The following SLC14A2 variants were observed in gnomAD, a reference collection of about 807,000 sequenced individuals.
SLC14A2 encodes urea transporter 2.
A neutral mutation model predicts 104.6 loss-of-function variants in SLC14A2; 91 were observed. The ratio of observed to expected loss-of-function variants is 0.87; its 90% CI spans 0.73 to 1.04. The LOEUF is 1.04. Ranked by LOEUF, SLC14A2 falls within the 50% of genes least tolerant of loss-of-function variation. The pLI, the probability that SLC14A2 is intolerant of heterozygous loss-of-function variation, is 0.00. For missense variants in SLC14A2, 1,189 were observed against 1,156.0 expected, an observed-to-expected ratio of 1.03 and a Z score of -0.41; for synonymous variants, 476 against 466.4, an observed-to-expected ratio of 1.02 and a Z score of -0.27.
At chr18:45,383,490 T>A (rs540669670) in intron 1 of SLC14A2, among the ~76,000 whole-genome samples, 1 of 152,212 alleles carries the variant, frequency 6.6e-6, no homozygotes, top group African/African-American at 2.4e-5. Context: ...TTAGATGGTC[T>A]TAGAGATTAC....
chr18:45,201,692 G>GT, the SLC14A2 span, among the ~76,000 whole-genome samples: 3 of 152,004 alleles, frequency 2.0e-5, no homozygotes, highest in African/African-American at 7.2e-5. Context: ...GTTTTAGTGA[G>GT]TAGATTATTG....
chr18:45,184,295 TA>T, the SLC14A2 span, among the ~76,000 whole-genome samples: 1 of 152,206 alleles, frequency 6.6e-6, no homozygotes, highest in Non-Finnish European at 1.5e-5. Flanking sequence ...ATACATGTAG[TA>T]AGTTAACTAA....
chr18:45,594,424 G>A lies in SLC14A2; in HGVS notation c.-34-30207G>A, dbSNP rs80349984. Among the ~76,000 whole-genome samples, 18 of 152,254 alleles carry A rather than the reference G, an allele frequency of 1.2e-4. No homozygotes were observed. In the South Asian group the frequency reaches 3.3e-3, roughly 28 times the overall value. ...ACTCATCTGGTCAGAAAATGGCACC[G>A]CAGGTTTTCTCCGTGAACTTCAATG... On this transcript the variant is annotated intron_variant, in intron 2 of 20. Coordinates refer to the SLC14A2 transcript ENST00000586448.
intron 1 of SLC14A2, among the ~76,000 whole-genome samples, chr18:45,389,148 T>A (rs1476341803): frequency 6.6e-6 from 1 of 152,230 alleles, no homozygotes; most frequent in Non-Finnish European, 1.5e-5. Flanking sequence ...TTTGAGATTA[T>A]GTGCTGGTGA....
chr18:45,270,981 A>G (rs985745502), intron 1 of SLC14A2, among the ~76,000 whole-genome samples: 1 of 152,192 alleles, frequency 6.6e-6, no homozygotes, highest in Non-Finnish European at 1.5e-5. Flanking sequence ...TTTCAGCAGG[A>G]TATCAGTAAA....
chr18:45,532,756 G>A (rs2043715516), intron 2 of SLC14A2, among the ~76,000 whole-genome samples: 1 of 152,164 alleles, frequency 6.6e-6, no homozygotes, highest in African/African-American at 2.4e-5. Context: ...TGGTGAGAGA[G>A]AGCATCCCTG....
chr18:45,183,680 T>C, the SLC14A2 span, among the ~76,000 whole-genome samples: 3 of 151,800 alleles, frequency 2.0e-5, no homozygotes, highest in Non-Finnish European at 2.9e-5. Context: ...TCTTTCTTTC[T>C]TTCTCTCTTT....
chr18:45,361,388 A>G (rs952291459), intron 1 of SLC14A2, among the ~76,000 whole-genome samples: 1 of 152,150 alleles, frequency 6.6e-6, no homozygotes, highest in Non-Finnish European at 1.5e-5. Context: ...CCATGGACAC[A>G]TTGACATTAA....
intron 1 of SLC14A2, chr18:45,436,505 C>A (rs2086599018): frequency 6.6e-6 from 1 of 152,212 alleles, no homozygotes; most frequent in African/African-American, 2.4e-5. Context: ...AGTCTTCATT[C>A]CCTTTCCCTC....
chr18:45,399,038 T>G (rs1228138369), intron 1 of SLC14A2, among the ~76,000 whole-genome samples: 5 of 152,172 alleles, frequency 3.3e-5, no homozygotes, highest in Non-Finnish European at 7.4e-5. Context: ...ATAATGACAC[T>G]TATTGGATGC....
chr18:45,579,726 T>C (rs954682842), intron 2 of SLC14A2, among the ~76,000 whole-genome samples: 2 of 152,168 alleles, frequency 1.3e-5, no homozygotes, highest in South Asian at 2.1e-4. Context: ...AAATAAAACC[T>C]CATCCCTGCC....
rs537028439 is a variant in SLC14A2, at chr18:45,599,422, C to T, written c.-34-25209C>T. The stretch of plus-strand genomic sequence containing the variant: ...CAGCGAGATGCCTGACAGTCCTGGC[C>T]GCGACCTGCTCTGACTCTTGCAAAA... On this transcript the variant is annotated intron_variant, in intron 2 of 20. Transcript: ENST00000586448. 2.6e-5 allele frequency among the ~76,000 whole-genome samples: 4 copies of T among 152,342 alleles called. No individual in the cohort carries two copies. In the South Asian group the frequency reaches 6.2e-4, roughly 24 times the overall value.
At chr18:45,500,359 C>T (rs1448394756) in intron 2 of SLC14A2, among the ~76,000 whole-genome samples, 3 of 151,966 alleles carry the variant, frequency 2.0e-5, no homozygotes, top group Admixed American at 6.6e-5. Context: ...GGGCGGATCA[C>T]GAGGTCAGGA....
the SLC14A2 span, among the ~76,000 whole-genome samples, chr18:45,202,503 C>T: frequency 6.6e-6 from 1 of 152,014 alleles, no homozygotes; most frequent in African/African-American, 2.4e-5. Context: ...TGTTATCAAA[C>T]ATAACATTGG....
Position 45,668,470 on chromosome 18 carries a change from A to C in SLC14A2, c.2029A>C (p.Met677Leu). The C allele has an allele frequency of 6.2e-7, 1 of 1,614,108 alleles. No homozygotes were observed. Residue 677 changes from methionine (M) to leucine (L), a missense_variant, in exon 15 of 20, where the codon ATG becomes CTG. By Grantham distance (15) the Met-to-Leu change is conservative (BLOSUM62 2). Coordinates refer to ENST00000255226, the MANE Select transcript of SLC14A2 (RefSeq NM_007163.4). ...WLLLPVIIMSMSCPILSSALG... is the reference protein window; with the variant it reads ...WLLLPVIIMSLSCPILSSALG... ...GTTGCTACCCGTCATCATCATGTCC[A>C]TGTCTTGGTAAGTTTGCTTTTGAAG...
chr18:45,284,772 G>A (rs919485801), intron 1 of SLC14A2, among the ~76,000 whole-genome samples: 2 of 152,176 alleles, frequency 1.3e-5, no homozygotes, highest in African/African-American at 4.8e-5. Flanking sequence ...CGAGGGTCTG[G>A]GGGCTGAAAG....
intron 2 of SLC14A2, among the ~76,000 whole-genome samples, chr18:45,570,734 G>T (rs2044332942): frequency 6.6e-6 from 1 of 152,160 alleles, no homozygotes; most frequent in Non-Finnish European, 1.5e-5. Context: ...GTATCATTTG[G>T]TACCAAGATT....
chr18:45,581,960 G>T (rs1001003381), intron 2 of SLC14A2, among the ~76,000 whole-genome samples: 3 of 152,204 alleles, frequency 2.0e-5, no homozygotes, highest in Non-Finnish European at 1.5e-5. Context: ...GAATACCACA[G>T]ACTGGGTAAT....
intron 9 of SLC14A2, 31 bp downstream of exon 9, chr18:45,643,212 A>G: frequency 6.3e-7 from 1 of 1,599,786 alleles, no homozygotes; most frequent in East Asian, 2.2e-5. Flanking sequence ...ACACTACCCC[A>G]AAGTGCTCTT....
Sources: gnomAD v4.1 joint callset for allele counts (sites outside exome capture counted in the v4.1 genomes callset) on GRCh38, gnomAD v4.1.1 for gene constraint, MANE v1.5 for transcripts, NCBI Gene and HGNC (gene_info 2026-07-23, HGNC 2026-07-21) for gene names.